Variants in FBXO4 observed in about 807,000 individuals in gnomAD.
The protein encoded by FBXO4 is F-box only protein 4.
Under a neutral mutation model 43.7 loss-of-function variants are expected in FBXO4, and 36 were observed. That is an observed-to-expected ratio of 0.82 (90% CI 0.63 to 1.09). The LOEUF (loss-of-function observed/expected upper bound fraction) is 1.09. FBXO4 is among the 50% of genes least tolerant of loss of function. FBXO4 has a pLI of 0.00. For missense variants in FBXO4, 435 were observed against 474.1 expected (o/e 0.92, Z 0.77); for synonymous variants, 180 against 165.6 (o/e 1.09, Z -0.67).
rs777686961 is a variant in FBXO4, at chr5:41,934,272, G to T, written c.862G>T (p.Gly288Trp). 1 of 1,614,108 alleles carries T rather than the reference G, an allele frequency of 6.2e-7. No homozygotes were observed. The highest frequency in any genetic ancestry group is 1.1e-5 in the South Asian group (1 of 91,080). Reference sequence around the variant, plus strand: ...TCAAAAAGTGTGTGAAGTTGTAGATGGGTTCATCTATGTTGCAAATGCTGA... The same window carrying T: ...TCAAAAAGTGTGTGAAGTTGTAGATTGGTTCATCTATGTTGCAAATGCTGA... Reference protein sequence around the residue: ...QIQKVCEVVDGFIYVANAEAH... With the variant: ...QIQKVCEVVDWFIYVANAEAH... The change falls in exon 5 of 7, where the codon GGG (glycine) becomes TGG (tryptophan). Residue 288 changes from glycine to tryptophan, a missense_variant. By Grantham distance (184) the Gly-to-Trp change is radical (BLOSUM62 -2). Coordinates refer to ENST00000281623, the MANE Select transcript of FBXO4 (RefSeq NM_012176.3).
At chr5:42,031,015 G>A in the FBXO4 span, among the ~76,000 whole-genome samples, 1 of 152,194 alleles carries the variant, frequency 6.6e-6, no homozygotes, top group South Asian at 2.1e-4. Flanking sequence ...TGGTGGGACT[G>A]TAAACTAGTT....
the FBXO4 span, among the ~76,000 whole-genome samples, chr5:41,999,434 A>T: frequency 7.3e-6 from 1 of 137,096 alleles, no homozygotes; most frequent in African/African-American, 2.8e-5. Context: ...ATATATATAA[A>T]ATATATATGT....
chr5:41,947,925 G>T, the FBXO4 span, among the ~76,000 whole-genome samples: 1 of 152,058 alleles, frequency 6.6e-6, no homozygotes, highest in Admixed American at 6.6e-5. Context: ...ACGGTGATGG[G>T]GCAGAGAGAG....
the FBXO4 span, among the ~76,000 whole-genome samples, chr5:42,033,958 T>A: frequency 6.6e-6 from 1 of 152,166 alleles, no homozygotes; most frequent in African/African-American, 2.4e-5. Flanking sequence ...AATGGTTGAA[T>A]TAATTTACAT....
the FBXO4 span, among the ~76,000 whole-genome samples, chr5:41,978,315 G>A: frequency 6.6e-6 from 1 of 152,086 alleles, no homozygotes; most frequent in African/African-American, 2.4e-5. Flanking sequence ...TCCAACGTTG[G>A]AGATTATATT....
At chr5:41,945,633 G>A (rs1447232379), downstream of FBXO4, among the ~76,000 whole-genome samples, 2 of 152,278 alleles carry the variant, frequency 1.3e-5, no homozygotes, top group South Asian at 2.1e-4. Flanking sequence ...CAGAAAAGCC[G>A]ACGTTCATAG....
the FBXO4 span, among the ~76,000 whole-genome samples, chr5:42,037,708 G>A: frequency 4.6e-5 from 7 of 152,048 alleles, no homozygotes; most frequent in Admixed American, 1.3e-4. Context: ...GACATCCACT[G>A]GTCTGAAGGG....
At chr5:41,925,644 A>G in intron 1 of FBXO4, 146 bp downstream of exon 1, 3 of 534,806 alleles carry the variant, frequency 5.6e-6, no homozygotes. Context: ...CAGTGTAGTC[A>G]CCGAGAAGCT....
the FBXO4 span, among the ~76,000 whole-genome samples, chr5:41,990,368 A>G: frequency 6.6e-6 from 1 of 152,202 alleles, no homozygotes; most frequent in Non-Finnish European, 1.5e-5. Context: ...ATTCATAGTC[A>G]TTGCTTTATG....
At chr5:41,992,276 G>A in the FBXO4 span, among the ~76,000 whole-genome samples, 2 of 152,140 alleles carry the variant, frequency 1.3e-5, no homozygotes, top group African/African-American at 2.4e-5. Flanking sequence ...TCCTACATAT[G>A]AAATTAAGTA....
the FBXO4 span, among the ~76,000 whole-genome samples, chr5:42,016,458 C>T: frequency 6.6e-6 from 1 of 151,444 alleles, no homozygotes; most frequent in African/African-American, 2.4e-5. Context: ...AGCTAAAGCA[C>T]AAAGGATAGC....
chr5:42,040,123 T>C, the FBXO4 span, among the ~76,000 whole-genome samples: 1 of 152,106 alleles, frequency 6.6e-6, no homozygotes, highest in East Asian at 1.9e-4. Flanking sequence ...GATAATTTGA[T>C]ACCTAGCAGC....
At chr5:41,993,594 T>C in the FBXO4 span, among the ~76,000 whole-genome samples, 2 of 145,890 alleles carry the variant, frequency 1.4e-5, no homozygotes, top group East Asian at 1.9e-4. Context: ...TAGTCAGGGT[T>C]CTCAAGAGAG....
the FBXO4 span, among the ~76,000 whole-genome samples, chr5:42,029,425 C>A: frequency 6.6e-6 from 1 of 151,778 alleles, no homozygotes; most frequent in South Asian, 2.1e-4. Context: ...AGGTGGTATT[C>A]TTTGAGTTAA....
At chr5:41,931,816 C>A (rs990813272) in intron 3 of FBXO4, among the ~76,000 whole-genome samples, 1 of 152,100 alleles carries the variant, frequency 6.6e-6, no homozygotes, top group Admixed American at 6.5e-5. Flanking sequence ...GGGGAAGTGA[C>A]TATTAAATGG....
chr5:41,958,917 A>C, the FBXO4 span, among the ~76,000 whole-genome samples: 1 of 152,230 alleles, frequency 6.6e-6, no homozygotes, highest in Non-Finnish European at 1.5e-5. Flanking sequence ...CAGATCCAGT[A>C]GCAGGATTGC....
chr5:41,977,921 T>C, the FBXO4 span, among the ~76,000 whole-genome samples: 2 of 152,344 alleles, frequency 1.3e-5, no homozygotes, highest in South Asian at 4.1e-4. Flanking sequence ...GCCCCACTTC[T>C]GGCACTAAGT....
At chr5:41,972,891 C>G in the FBXO4 span, among the ~76,000 whole-genome samples, 1 of 152,100 alleles carries the variant, frequency 6.6e-6, no homozygotes, top group African/African-American at 2.4e-5. Context: ...AAACTGGACC[C>G]CTTTCTTTCA....
chr5:41,954,972 T>G, the FBXO4 span, among the ~76,000 whole-genome samples: 1 of 152,332 alleles, frequency 6.6e-6, no homozygotes, highest in Non-Finnish European at 1.5e-5. Flanking sequence ...TCCAAAATAT[T>G]TGGCATCTAA....
Sources: gnomAD v4.1 joint callset for allele counts (sites outside exome capture counted in the v4.1 genomes callset) on GRCh38, gnomAD v4.1.1 for gene constraint, MANE v1.5 for transcripts, NCBI Gene and HGNC (gene_info 2026-07-23, HGNC 2026-07-21) for gene names.